Variants in CNDP1 observed in about 807,000 individuals in gnomAD.
CNDP1 encodes beta-Ala-His dipeptidase.
A neutral mutation model predicts 58.1 loss-of-function variants in CNDP1; 44 were observed. The observed-to-expected ratio is 0.76, with a 90% CI of 0.60 to 0.97. The LOEUF (loss-of-function observed/expected upper bound fraction) is 0.97. Ranked by LOEUF, CNDP1 falls within the 50% of genes least tolerant of loss-of-function variation. The pLI, the probability that CNDP1 is intolerant of heterozygous loss-of-function variation, is 0.00. For synonymous variants in CNDP1, 254 were observed against 252.6 expected (o/e 1.01, Z -0.05); for missense variants, 616 against 655.1 (o/e 0.94, Z 0.65).
At position 74,567,397 on chromosome 18, in the gene CNDP1, T is replaced by C; in HGVS notation, c.720T>C (p.Thr240=). The part of the protein sequence containing the change: ...LWISQRKPAI[T]YGTRGNSYFM... ...TCAGCCAAAGGAAGCCAGCAATCAC[T>C]TACGGAACCCGGGGGAACAGCTACT... The change falls in exon 6 of 12, where the codon ACT becomes ACC. Residue 240 remains threonine, a synonymous_variant. Coordinates refer to ENST00000358821, the MANE Select transcript of CNDP1 (RefSeq NM_032649.6). The C allele has an allele frequency of 6.2e-7, 1 of 1,614,042 alleles. No individual in the cohort carries two copies. Among genetic ancestry groups the C allele is most frequent in the South Asian group, 1.1e-5 (1 of 91,074 alleles).
intron 7 of CNDP1, among the ~76,000 whole-genome samples, chr18:74,575,353 AC>A (rs1435057630): frequency 6.6e-6 from 1 of 152,242 alleles, no homozygotes; most frequent in East Asian, 1.9e-4. Flanking sequence ...CTCTGTCCTT[AC>A]GCAGAAGACT....
intron 9 of CNDP1, 44 bp from the exon 10 acceptor site, chr18:74,580,086 A>T (rs1783791230): frequency 6.4e-7 from 1 of 1,568,700 alleles, no homozygotes; most frequent in South Asian, 1.1e-5. Context: ...GTATGAGAGA[A>T]TAACTTGACA....
intron 2 of CNDP1, among the ~76,000 whole-genome samples, chr18:74,556,735 C>T (rs1217939710): frequency 6.6e-6 from 1 of 152,210 alleles, no homozygotes; most frequent in Non-Finnish European, 1.5e-5. Flanking sequence ...ACCAGCACCT[C>T]CGCTGAGCTC....
intron 7 of CNDP1, among the ~76,000 whole-genome samples, chr18:74,571,617 G>A (rs532346979): frequency 6.6e-6 from 1 of 152,172 alleles, no homozygotes; most frequent in Non-Finnish European, 1.5e-5. Context: ...CCGGGTGGAG[G>A]TGTGGTATTC....
At chr18:74,581,612 T>C (rs1034572913) in intron 10 of CNDP1, among the ~76,000 whole-genome samples, 7 of 152,210 alleles carry the variant, frequency 4.6e-5, no homozygotes, top group Non-Finnish European at 8.8e-5. Context: ...CAGCTCTATT[T>C]GGAACTTCTT....
chr18:74,548,753 G>A (rs59521439), intron 1 of CNDP1, among the ~76,000 whole-genome samples: 53 of 152,358 alleles, frequency 3.5e-4, no homozygotes, highest in African/African-American at 1.1e-3. Context: ...CCAAACTGCT[G>A]ATAGTGATGT....
intron 1 of CNDP1, among the ~76,000 whole-genome samples, chr18:74,546,672 G>A (rs969788564): frequency 2.0e-5 from 3 of 152,084 alleles, no homozygotes; most frequent in African/African-American, 4.8e-5. Context: ...TGCAAACCAC[G>A]GAAACACCCA....
intron 1 of CNDP1, among the ~76,000 whole-genome samples, chr18:74,535,228 G>A (rs942433785): frequency 6.6e-6 from 1 of 152,206 alleles, no homozygotes; most frequent in African/African-American, 2.4e-5. Context: ...AAGCAGGCAG[G>A]TACCTTTGGC....
rs1326063877 is a variant in CNDP1 at position 74,545,897 on chromosome 18, G to T, written c.25-10441G>T. On this transcript the variant is annotated intron_variant, in intron 1 of 11. Transcript: ENST00000358821. This position sits in a 1 kb window ranked among gnomAD's most constrained non-coding sequence, Gnocchi z 4.1. Reference sequence around the variant, plus strand: ...CTCCAGCGTCAGGCACAGCCTCATGGATCCCTTAGGATTTACACCTCTCAC... The same window carrying T: ...CTCCAGCGTCAGGCACAGCCTCATGTATCCCTTAGGATTTACACCTCTCAC... Among the ~76,000 whole-genome samples the T allele has an allele frequency of 6.6e-6, 1 of 152,106 alleles. No individual in the cohort carries two copies. Among genetic ancestry groups the T allele is most frequent in the Non-Finnish European group, 1.5e-5 (1 of 68,030 alleles).
In CNDP1 at chr18:74,555,279, C is replaced by T. The variant is rs114443124; in HGVS notation, c.25-1059C>T. On this transcript the variant is annotated intron_variant, in intron 1 of 11. Transcript: ENST00000358821. ...TGGGTTTGGCTTCTAAAGTGGAGCC[C>T]AGCTGGTCTCCTGGGGATAGCTGGT... 7.8e-3 allele frequency among the ~76,000 whole-genome samples: 1,192 copies of T among 152,214 alleles called. 15 individuals carry two copies. The highest frequency in any genetic ancestry group is 0.027 in the African/African-American group (1,127 of 41,540).
intron 1 of CNDP1, among the ~76,000 whole-genome samples, chr18:74,550,068 G>A (rs1259877293): frequency 3.9e-5 from 6 of 152,222 alleles, no homozygotes; most frequent in Non-Finnish European, 8.8e-5. Context: ...GCCTCTACTA[G>A]GACAGGTCAA....
rs1028438520 is a variant in CNDP1 at position 74,543,902 on chromosome 18, T to C, written c.24+9211T>C. On this transcript the variant is annotated intron_variant, in intron 1 of 11. Transcript: ENST00000358821. ...GAGTTCCAGACCAGCCTGGGCAACA[T>C]AGTGGGTCCCCATCTCTAAAAAAAA... Among the ~76,000 whole-genome samples, 6 of 150,602 alleles carry C rather than the reference T, an allele frequency of 4.0e-5. No individual in the cohort carries two copies. The South Asian group carries it at 8.4e-4, about 21-fold the overall frequency.
chr18:74,571,303 T>C, intron 7 of CNDP1, 33 bp downstream of exon 7: 1 of 1,437,628 alleles, frequency 7.0e-7, no homozygotes, highest in Non-Finnish European at 9.8e-7. Flanking sequence ...TTTTTAAGCA[T>C]CAGGGATCAA....
At position 74,560,990 on chromosome 18, in the gene CNDP1, G is replaced by A. The variant is rs371313911; in HGVS notation, c.438G>A (p.Thr146=). Reference sequence around the variant, plus strand: ...CTGACCGGGGCGATGGGTGGCTCACGGACCCCTATGTGCTGACGGAGGTAG... The same window carrying A: ...CTGACCGGGGCGATGGGTGGCTCACAGACCCCTATGTGCTGACGGAGGTAG... ...QPADRGDGWL[T]DPYVLTEVDG... Residue 146 remains threonine (T), a synonymous_variant, in exon 4 of 12, where the codon ACG becomes ACA. Transcript: ENST00000358821. 11 of 1,614,066 alleles carry A rather than the reference G, an allele frequency of 6.8e-6. No homozygotes were observed. The highest frequency in any genetic ancestry group is 1.1e-5 in the South Asian group (1 of 91,078).
rs754295221 is a variant in CNDP1, at chr18:74,586,339, G to A, written c.*1777G>A. Reference sequence around the variant, plus strand: ...TATTTTGTGCTATTAAGTGTAGTTTGCGCTCATCTAATTATGCAGAGTTTC... The same window carrying A: ...TATTTTGTGCTATTAAGTGTAGTTTACGCTCATCTAATTATGCAGAGTTTC... On this transcript the variant is annotated 3_prime_UTR_variant, in exon 12 of 12. Coordinates refer to ENST00000358821, the MANE Select transcript of CNDP1 (RefSeq NM_032649.6). The A allele has an allele frequency of 6.6e-6, 1 of 152,212 alleles. No homozygotes were observed. The highest frequency in any genetic ancestry group is 1.5e-5 in the Non-Finnish European group (1 of 68,052). 9.4% of individuals were successfully genotyped at this position (152,212 alleles called of 1,614,324 possible).
rs398033526 is a variant in CNDP1 at position 74,560,010 on chromosome 18, C to CTTTTTTT, written c.303+549_303+555dup. Among the ~76,000 whole-genome samples the CTTTTTTT allele has an allele frequency of 1.4e-3, 166 of 121,266 alleles. 4 individuals carry two copies. Among genetic ancestry groups the CTTTTTTT allele is most frequent in the East Asian group, 1.5e-3 (6 of 3,894 alleles). 79.6% of individuals were successfully genotyped at this position (121,266 alleles called of 152,430 possible). ...ATTTAAGCCAGTTGTCATCTGCATT[C>CTTTTTTT]TTTTTTTTTTTTTTTTTGAGACAGA... On this transcript the variant is annotated intron_variant, in intron 3 of 11. Transcript: ENST00000358821.
intron 3 of CNDP1, 93 bp downstream of exon 3, chr18:74,559,565 C>T: frequency 8.2e-7 from 1 of 1,218,194 alleles, no homozygotes; most frequent in Non-Finnish European, 1.1e-6. Context: ...TCACCCTGAT[C>T]CTCAACCACA....
At chr18:74,572,805 A>AAAG (rs1568298975) in intron 7 of CNDP1, among the ~76,000 whole-genome samples, 2 of 140,810 alleles carry the variant, frequency 1.4e-5, no homozygotes, top group African/African-American at 5.6e-5. Flanking sequence ...AAAAAAAAAA[A>AAAG]AAAAAAGAAA....
chr18:74,558,163 A>T (rs1366227451), intron 2 of CNDP1, among the ~76,000 whole-genome samples: 1 of 152,210 alleles, frequency 6.6e-6, no homozygotes, highest in African/African-American at 2.4e-5. Flanking sequence ...AACTCAAATA[A>T]GTCAGGAAGA....
Sources: allele counts gnomAD v4.1 joint callset (sites outside exome capture counted in the v4.1 genomes callset), GRCh38; gene constraint gnomAD v4.1.1; non-coding constraint Gnocchi (gnomAD v3.1); transcripts MANE v1.5; gene names NCBI Gene and HGNC (gene_info 2026-07-23, HGNC 2026-07-21).